Variants in QKI observed in about 807,000 individuals in gnomAD.
QKI encodes the protein KH domain-containing RNA-binding protein QKI.
A neutral mutation model predicts 39.0 loss-of-function variants in QKI; 10 were observed. The ratio of observed to expected loss-of-function variants is 0.26; its 90% CI spans 0.16 to 0.43. QKI has a LOEUF of 0.43. QKI is among the 20% of genes least tolerant of loss of function. QKI has a pLI of 1.00. For missense variants in QKI, 218 were observed against 428.0 expected, an observed-to-expected ratio of 0.51 and a Z score of 4.33; for synonymous variants, 204 against 155.4, an observed-to-expected ratio of 1.31 and a Z score of -2.33.
chr6:163,546,573 T>G (rs1210829026), intron 4 of QKI, among the ~76,000 whole-genome samples: 1 of 152,072 alleles, frequency 6.6e-6, no homozygotes, highest in African/African-American at 2.4e-5. Flanking sequence ...CTATATTTAC[T>G]TTGCTTGTAT....
At chr6:163,565,099 C>A in intron 6 of QKI, 1 of 1,026,486 alleles carries the variant, frequency 9.7e-7, no homozygotes, top group Non-Finnish European at 1.2e-6. Context: ...CTGTTTAAAT[C>A]ATTGTATAAA....
Position 163,576,112 on chromosome 6 carries a change from A to G in QKI, c.*5402A>G, listed in dbSNP as rs1424679490. On this transcript the variant is annotated 3_prime_UTR_variant, in exon 8 of 8. Coordinates refer to ENST00000361752, the MANE Select transcript of QKI (RefSeq NM_006775.3). ...TCCTTAATACCTTTATTTAAAATGGAAAAAATATGGACAATATTTTAGAAA... is the reference window on the plus strand; with the variant it reads ...TCCTTAATACCTTTATTTAAAATGGGAAAAATATGGACAATATTTTAGAAA... 1 of 152,222 alleles carries G rather than the reference A, an allele frequency of 6.6e-6. No individual in the cohort carries two copies. The highest frequency in any genetic ancestry group is 1.5e-5 in the Non-Finnish European group (1 of 68,038). The allele number at this position is 152,222 out of a possible 1,614,324, so 9.4% of individuals were successfully genotyped here.
At chr6:163,490,735 T>C (rs931970134) in intron 3 of QKI, among the ~76,000 whole-genome samples, 9 of 152,182 alleles carry the variant, frequency 5.9e-5, no homozygotes, top group Admixed American at 4.6e-4. Context: ...TGAGAAGTTA[T>C]ATGATGTATT....
At chr6:163,546,058 T>C (rs1781850894) in intron 4 of QKI, among the ~76,000 whole-genome samples, 1 of 148,686 alleles carries the variant, frequency 6.7e-6, no homozygotes, top group Admixed American at 6.8e-5. Context: ...AATATTAATA[T>C]TTATGTCCCA....
intron 6 of QKI, chr6:163,564,623 G>A (rs41268571): frequency 0.091 from 147,050 of 1,613,314 alleles, 8,459 homozygotes; most frequent in East Asian, 0.29. Flanking sequence ...TGAACAAAAA[G>A]TGGTGTGCTC....
intron 1 of QKI, among the ~76,000 whole-genome samples, chr6:163,440,555 A>G (rs1789689963): frequency 6.6e-6 from 1 of 152,252 alleles, no homozygotes; most frequent in South Asian, 2.1e-4. Context: ...AGAATCCAAC[A>G]TAATGCTTTT....
At chr6:163,521,238 G>C (rs1190388298) in intron 3 of QKI, among the ~76,000 whole-genome samples, 2 of 152,102 alleles carry the variant, frequency 1.3e-5, no homozygotes. Flanking sequence ...CCACCTGACT[G>C]TGCACAAGGA....
In QKI at chr6:163,552,358, G is replaced by A. The variant is rs188386468; in HGVS notation, c.547-9624G>A. Among the ~76,000 whole-genome samples the A allele has an allele frequency of 6.3e-3, 949 of 151,742 alleles. 10 individuals carry two copies. Among genetic ancestry groups the A allele is most frequent in the African/African-American group, 0.022 (902 of 41,340 alleles). On this transcript the variant is annotated intron_variant, in intron 4 of 7. Coordinates refer to ENST00000361752, the MANE Select transcript of QKI (RefSeq NM_006775.3). Reference sequence around the variant, plus strand: ...CAAGTAGCTGGGACTACAGGTGCCCGCCACCACGCCTGGCTAATTTTTTGT... The same window carrying A: ...CAAGTAGCTGGGACTACAGGTGCCCACCACCACGCCTGGCTAATTTTTTGT...
At chr6:163,449,102 C>T (rs1318244487) in intron 1 of QKI, among the ~76,000 whole-genome samples, 1 of 152,092 alleles carries the variant, frequency 6.6e-6, no homozygotes, top group Admixed American at 6.6e-5. Context: ...ATAACTAAAT[C>T]TTACTTTGCT....
At chr6:163,432,655 G>A (rs558989691) in intron 1 of QKI, among the ~76,000 whole-genome samples, 1 of 152,156 alleles carries the variant, frequency 6.6e-6, no homozygotes, top group South Asian at 2.1e-4. Flanking sequence ...CCTGTGTCAG[G>A]TGTCAGCCAG....
At chr6:163,508,459 A>T (rs1158285340) in intron 3 of QKI, among the ~76,000 whole-genome samples, 1 of 151,888 alleles carries the variant, frequency 6.6e-6, no homozygotes, top group Non-Finnish European at 1.5e-5. Flanking sequence ...TTATCAGAAC[A>T]TGGTAGAGAG....
At chr6:163,534,811 C>A in intron 3 of QKI, 171 bp from the exon 4 acceptor site, 1 of 520,426 alleles carries the variant, frequency 1.9e-6, no homozygotes. Context: ...ACCCAGTAGT[C>A]TCACATTCAA....
intron 2 of QKI, among the ~76,000 whole-genome samples, chr6:163,458,497 C>A (rs574215521): frequency 6.6e-6 from 1 of 152,320 alleles, no homozygotes. Context: ...GTATGAAACT[C>A]ATTCTTTCAA....
chr6:163,534,931 C>T (rs746560416), intron 3 of QKI, 51 bp from the exon 4 acceptor site: 2 of 1,385,146 alleles, frequency 1.4e-6, no homozygotes, highest in East Asian at 2.4e-5. Context: ...GAAAGATGTG[C>T]TCTCTCTTTA....
Position 163,573,332 on chromosome 6 carries a change from A to G in QKI, c.*2622A>G, listed in dbSNP as rs533165682. ...TTATGTAATTTTTTAGCGTGGGTAG[A>G]TGGGAGTGTCGCTTGTATGTTATCG... On this transcript the variant is annotated 3_prime_UTR_variant, in exon 8 of 8. Transcript: ENST00000361752. 241 of 152,192 alleles carry G rather than the reference A, an allele frequency of 1.6e-3. No individual in the cohort carries two copies. Among genetic ancestry groups the G allele is most frequent in the African/African-American group, 5.6e-3 (234 of 41,538 alleles). 9.4% of individuals were successfully genotyped at this position (152,192 alleles called of 1,614,324 possible).
intron 3 of QKI, among the ~76,000 whole-genome samples, chr6:163,490,847 C>G (rs1778005913): frequency 6.6e-6 from 1 of 152,126 alleles, no homozygotes; most frequent in African/African-American, 2.4e-5. Flanking sequence ...ACAACTCTGC[C>G]TAGAAAGTTC....
At chr6:163,421,022 C>T (rs1787954779) in intron 1 of QKI, among the ~76,000 whole-genome samples, 1 of 152,066 alleles carries the variant, frequency 6.6e-6, no homozygotes. Flanking sequence ...CATCTTACCT[C>T]CTTTTTTGAT....
chr6:163,568,620 T>A lies in QKI; in HGVS notation c.1009+1825T>A. On this transcript the variant is annotated intron_variant, in intron 7 of 7. Transcript: ENST00000361752. ...TATGATACTACTGTTTTCTCTATTT[T>A]TGAGGTTAAAATTATTTTAAAAAAA... is the stretch of plus-strand genomic sequence containing the variant. The A allele has an allele frequency of 8.2e-6, 8 of 976,572 alleles. No homozygotes were observed. The South Asian group carries it at 1.4e-4, about 17-fold the overall frequency. 60.5% of individuals were successfully genotyped at this position (976,572 alleles called of 1,614,324 possible). A position where few individuals can be genotyped will look rare whatever the true frequency, so the allele number is the denominator to read the frequency against.
intron 4 of QKI, among the ~76,000 whole-genome samples, chr6:163,539,794 G>C (rs1781404656): frequency 6.6e-6 from 1 of 152,068 alleles, no homozygotes; most frequent in Non-Finnish European, 1.5e-5. Flanking sequence ...CCAATTTACT[G>C]TCCTGCCAGT....
Sources: gnomAD v4.1 joint callset for allele counts (sites outside exome capture counted in the v4.1 genomes callset) on GRCh38, gnomAD v4.1.1 for gene constraint, MANE v1.5 for transcripts, NCBI Gene and HGNC (gene_info 2026-07-23, HGNC 2026-07-21) for gene names.